The following GPATCH2 variants were observed in gnomAD, a reference collection of about 807,000 sequenced individuals.
GPATCH2 encodes G patch domain-containing protein 2.
In GPATCH2, 51 loss-of-function variants were observed where a neutral mutation model predicts 58.0. The observed-to-expected ratio is 0.88, with a 90% CI of 0.70 to 1.11. The LOEUF (loss-of-function observed/expected upper bound fraction) is 1.11. GPATCH2 is among the 50% of genes most tolerant of loss of function. GPATCH2 has a pLI of 0.00. For synonymous variants in GPATCH2, 222 were observed against 218.5 expected, an observed-to-expected ratio of 1.02 and a Z score of -0.14; for missense variants, 625 against 652.2, an observed-to-expected ratio of 0.96 and a Z score of 0.45.
chr1:217,443,430 A>AT (rs1244438996), intron 9 of GPATCH2, among the ~76,000 whole-genome samples: 1 of 151,868 alleles, frequency 6.6e-6, no homozygotes, highest in Non-Finnish European at 1.5e-5. Context: ...CGTAGGTTAT[A>AT]TTTTTTCTCC....
intron 5 of GPATCH2, among the ~76,000 whole-genome samples, chr1:217,592,359 T>A (rs775631216): frequency 6.6e-6 from 1 of 151,984 alleles, no homozygotes; most frequent in Non-Finnish European, 1.5e-5. Context: ...TTCAAACACA[T>A]TTTTATTAAA....
chr1:217,543,394 C>G (rs903754780), intron 5 of GPATCH2, among the ~76,000 whole-genome samples: 2 of 151,894 alleles, frequency 1.3e-5, no homozygotes, highest in South Asian at 2.1e-4. Flanking sequence ...CTCAGCCTCC[C>G]GAGTAGCTGG....
intron 8 of GPATCH2, among the ~76,000 whole-genome samples, chr1:217,490,210 T>C (rs1021739252): frequency 2.6e-5 from 4 of 152,248 alleles, no homozygotes; most frequent in Non-Finnish European, 4.4e-5. Flanking sequence ...CACTGTCTTC[T>C]GGCCTTACCG....
intron 5 of GPATCH2, among the ~76,000 whole-genome samples, chr1:217,531,749 C>T (rs1664200583): frequency 6.6e-6 from 1 of 152,070 alleles, no homozygotes; most frequent in Non-Finnish European, 1.5e-5. Context: ...AGAAAAATTG[C>T]TGAATTATCT....
chr1:217,579,121 G>A (rs1666941282), intron 5 of GPATCH2, among the ~76,000 whole-genome samples: 1 of 152,038 alleles, frequency 6.6e-6, no homozygotes, highest in Non-Finnish European at 1.5e-5. Context: ...TTTTTAAAAG[G>A]TGTAACGCAC....
chr1:217,551,760 A>G (rs1665373619), intron 5 of GPATCH2, among the ~76,000 whole-genome samples: 1 of 152,172 alleles, frequency 6.6e-6, no homozygotes, highest in Non-Finnish European at 1.5e-5. Flanking sequence ...ATGCTGCAAC[A>G]GAAGTACTTA....
chr1:217,529,358 T>A (rs942357589), intron 5 of GPATCH2, among the ~76,000 whole-genome samples: 4 of 152,112 alleles, frequency 2.6e-5, no homozygotes, highest in Admixed American at 2.6e-4. Flanking sequence ...GGTCATGGGA[T>A]CCCTCAAGAA....
At position 217,610,999 on chromosome 1, in the gene GPATCH2, G is replaced by T; in HGVS notation, c.908C>A (p.Pro303His). The T allele has an allele frequency of 1.9e-6, 3 of 1,613,092 alleles. No homozygotes were observed. The highest frequency in any genetic ancestry group is 2.5e-6 in the Non-Finnish European group (3 of 1,179,478). ...GGACGITGVV[P>H]WWEKEDPTEL... ...AGTAGGATCTTCCTTTTCCCACCAG[G>T]GCACAACTCCAGTGATACCACATGC... is the stretch of plus-strand genomic sequence containing the variant. Residue 303 changes from proline (P) to histidine (H), a missense_variant, in exon 4 of 10, where the codon CCC becomes CAC. Coordinates refer to ENST00000366935, the MANE Select transcript of GPATCH2 (RefSeq NM_018040.5).
intron 5 of GPATCH2, among the ~76,000 whole-genome samples, chr1:217,592,132 C>G (rs1667623007): frequency 6.6e-6 from 1 of 151,910 alleles, no homozygotes; most frequent in African/African-American, 2.4e-5. Flanking sequence ...GTACGTAGCC[C>G]AAATAATTAA....
intron 1 of GPATCH2, among the ~76,000 whole-genome samples, chr1:217,623,732 T>C (rs1249820060): frequency 6.6e-6 from 1 of 151,900 alleles, no homozygotes; most frequent in African/African-American, 2.4e-5. Flanking sequence ...TGAAACCCCA[T>C]CCCTACTAAG....
intron 8 of GPATCH2, among the ~76,000 whole-genome samples, chr1:217,485,512 GAA>G (rs1661416577): frequency 7.1e-6 from 1 of 140,900 alleles, no homozygotes; most frequent in African/African-American, 2.6e-5. Context: ...ACTATTTGTT[GAA>G]AAGACTGTCA....
At chr1:217,513,627 C>T (rs546105286) in intron 6 of GPATCH2, among the ~76,000 whole-genome samples, 55 of 151,908 alleles carry the variant, frequency 3.6e-4, no homozygotes, top group Non-Finnish European at 5.4e-4. Context: ...ATTTACAGAA[C>T]GAATTAACCC....
At chr1:217,621,258 A>G (rs1669174333) in intron 1 of GPATCH2, among the ~76,000 whole-genome samples, 2 of 152,198 alleles carry the variant, frequency 1.3e-5, no homozygotes, top group African/African-American at 4.8e-5. Context: ...TATAAATTAT[A>G]CCTGTCCTTT....
chr1:217,535,767 G>A (rs1254986781), intron 5 of GPATCH2, among the ~76,000 whole-genome samples: 1 of 152,052 alleles, frequency 6.6e-6, no homozygotes, highest in Non-Finnish European at 1.5e-5. Flanking sequence ...AACTGACTCC[G>A]GTTTTACGAG....
intron 5 of GPATCH2, among the ~76,000 whole-genome samples, chr1:217,529,871 T>G (rs762990026): frequency 6.6e-6 from 1 of 152,202 alleles, no homozygotes; most frequent in Non-Finnish European, 1.5e-5. Flanking sequence ...TAGAACATAC[T>G]CATGAATAGA....
At chr1:217,614,988 G>C (rs1203804727) in intron 2 of GPATCH2, among the ~76,000 whole-genome samples, 1 of 151,630 alleles carries the variant, frequency 6.6e-6, no homozygotes, top group Non-Finnish European at 1.5e-5. Context: ...TATAATGAGA[G>C]GCTTAGCTTT....
chr1:217,451,846 T>A (rs1181905109), intron 8 of GPATCH2, among the ~76,000 whole-genome samples: 1 of 152,232 alleles, frequency 6.6e-6, no homozygotes, highest in Non-Finnish European at 1.5e-5. Context: ...AACTAGCTAC[T>A]TCTGATCCTC....
At position 217,584,639 on chromosome 1, in the gene GPATCH2, A is replaced by G. The variant is rs972849639; in HGVS notation, c.1098+25682T>C. Among the ~76,000 whole-genome samples the G allele has an allele frequency of 5.9e-5, 9 of 152,226 alleles. No homozygotes were observed. The East Asian group carries it at 1.2e-3, about 20-fold the overall frequency. On this transcript the variant is annotated intron_variant, in intron 5 of 9. Coordinates refer to ENST00000366935, the MANE Select transcript of GPATCH2 (RefSeq NM_018040.5). ...TGTTAAACACACACAGCAAAATTTC[A>G]AAGACATCAGAGGCATGGAAGCAAC...
chr1:217,483,597 T>C (rs1661315432), intron 8 of GPATCH2, among the ~76,000 whole-genome samples: 1 of 152,228 alleles, frequency 6.6e-6, no homozygotes, highest in Admixed American at 6.5e-5. Context: ...AGTAGGTCTA[T>C]GTTTAACATT....
Sources: gnomAD v4.1 joint callset for allele counts (sites outside exome capture counted in the v4.1 genomes callset) on GRCh38, gnomAD v4.1.1 for gene constraint, MANE v1.5 for transcripts, NCBI Gene and HGNC (gene_info 2026-07-23, HGNC 2026-07-21) for gene names.